ANGPTL5: variants seen among roughly 807,000 people sequenced by gnomAD.
The protein encoded by ANGPTL5 is angiopoietin-related protein 5.
ANGPTL5 carries 34 observed loss-of-function variants against 39.4 expected under a neutral mutation model. That is an observed-to-expected ratio of 0.86 (90% CI 0.66 to 1.15). ANGPTL5 has a LOEUF of 1.15. Among genes scored for constraint, ANGPTL5 ranks in the 50% most tolerant of loss-of-function variants. ANGPTL5 has a pLI of 0.00. For synonymous variants in ANGPTL5, 146 were observed against 152.1 expected, an observed-to-expected ratio of 0.96 and a Z score of 0.29; for missense variants, 467 against 457.5, an observed-to-expected ratio of 1.02 and a Z score of -0.19.
intron 4 of ANGPTL5, 107 bp from the exon 5 acceptor site, chr11:101,905,014 A>T (rs1027663750): frequency 1.2e-6 from 1 of 802,376 alleles, no homozygotes; most frequent in Non-Finnish European, 2.1e-6. Context: ...CCATTTTTCT[A>T]GATTGATTTC....
At chr11:101,894,233 C>G (rs887561829) in intron 8 of ANGPTL5, among the ~76,000 whole-genome samples, 2 of 152,076 alleles carry the variant, frequency 1.3e-5, no homozygotes, top group African/African-American at 4.8e-5. Context: ...ATTTCTAACA[C>G]TAAATATACA....
rs757955825 is a variant in ANGPTL5, at chr11:101,915,343, C to T, written c.-93+676G>A. 6.2e-7 allele frequency: 1 copy of T among 1,613,998 alleles called. No individual in the cohort carries two copies. Among genetic ancestry groups the T allele is most frequent in the Non-Finnish European group, 8.5e-7 (1 of 1,179,988 alleles). ...GTCGGGGAACTGGGCACTGAATCAT[C>T]GGACAACCTCGACAGAGCCCCCCTC... On this transcript the variant is annotated intron_variant, in intron 1 of 8. Coordinates refer to ENST00000334289, the MANE Select transcript of ANGPTL5 (RefSeq NM_178127.5).
At chr11:101,906,909 A>G (rs1338955321) in intron 3 of ANGPTL5, among the ~76,000 whole-genome samples, 194 bp downstream of exon 3, 1 of 152,090 alleles carries the variant, frequency 6.6e-6, no homozygotes, top group Non-Finnish European at 1.5e-5. Flanking sequence ...AATTAGCTAC[A>G]TAGAGAAAGG....
At chr11:101,893,082 C>T (rs1939730155) in intron 8 of ANGPTL5, among the ~76,000 whole-genome samples, 2 of 152,072 alleles carry the variant, frequency 1.3e-5, no homozygotes, top group African/African-American at 4.8e-5. Context: ...AGATAAAGTC[C>T]GACCACCAGA....
chr11:101,911,071 T>C (rs1940083848), intron 1 of ANGPTL5, among the ~76,000 whole-genome samples: 1 of 148,142 alleles, frequency 6.8e-6, no homozygotes, highest in Non-Finnish European at 1.5e-5. Context: ...TTATATGGTT[T>C]GGACCTGCAT....
At chr11:101,900,327 G>A in intron 7 of ANGPTL5, 103 bp downstream of exon 7, 1 of 1,167,924 alleles carries the variant, frequency 8.6e-7, no homozygotes, top group East Asian at 2.4e-5. Flanking sequence ...TTTGATATTT[G>A]CAAGCATTTG....
intron 1 of ANGPTL5, among the ~76,000 whole-genome samples, chr11:101,910,965 G>T (rs1004468210): frequency 6.6e-6 from 1 of 151,986 alleles, no homozygotes; most frequent in African/African-American, 2.4e-5. Context: ...TCCATTGAAA[G>T]TTGGATTTTA....
At position 101,891,448 on chromosome 11, in the gene ANGPTL5, C is replaced by A; in HGVS notation, c.998G>T (p.Trp333Leu). 3.1e-6 allele frequency: 5 copies of A among 1,614,066 alleles called. No individual in the cohort carries two copies. The highest frequency in any genetic ancestry group is 4.2e-6 in the Non-Finnish European group (5 of 1,179,988). The part of the protein sequence containing the change: ...SCSHLHNKTG[W>L]WFNECGLANL... Reference sequence around the variant, plus strand: ...TGCTAGACCACACTCGTTAAACCACCAGCCGGTCTTGTTATGGAGGTGACT... The same window carrying A: ...TGCTAGACCACACTCGTTAAACCACAAGCCGGTCTTGTTATGGAGGTGACT... Residue 333 changes from tryptophan to leucine, a missense_variant, in exon 9 of 9, where the codon TGG becomes TTG. Coordinates refer to ENST00000334289, the MANE Select transcript of ANGPTL5 (RefSeq NM_178127.5).
At chr11:101,913,532 C>T (rs906790206) in intron 1 of ANGPTL5, among the ~76,000 whole-genome samples, 1 of 152,126 alleles carries the variant, frequency 6.6e-6, no homozygotes, top group Non-Finnish European at 1.5e-5. Context: ...TAACCCTTTC[C>T]TCTCCTTTCT....
intron 3 of ANGPTL5, among the ~76,000 whole-genome samples, chr11:101,906,854 G>T (rs1185708467): frequency 6.6e-6 from 1 of 152,006 alleles, no homozygotes; most frequent in Non-Finnish European, 1.5e-5. Flanking sequence ...GTCTAAAGCT[G>T]CACTCATTGG....
At chr11:101,893,609 T>A (rs902395483) in intron 8 of ANGPTL5, among the ~76,000 whole-genome samples, 1 of 152,208 alleles carries the variant, frequency 6.6e-6, no homozygotes, top group African/African-American at 2.4e-5. Context: ...TTTAATTAGA[T>A]CCTAGTCATC....
intron 7 of ANGPTL5, 38 bp downstream of exon 7, chr11:101,900,392 G>A: frequency 6.3e-7 from 1 of 1,595,562 alleles, no homozygotes. Flanking sequence ...ATATCAAAAA[G>A]AGTAAACAAT....
chr11:101,914,956 G>T (rs1940164977), intron 1 of ANGPTL5: 2 of 267,926 alleles, frequency 7.5e-6, no homozygotes, highest in Non-Finnish European at 1.4e-5. Flanking sequence ...GCTGCTTCGG[G>T]CACATCGTCC....
At chr11:101,915,805 C>G (rs1052054436) in intron 1 of ANGPTL5, among the ~76,000 whole-genome samples, 11 of 152,160 alleles carry the variant, frequency 7.2e-5, no homozygotes, top group Admixed American at 6.5e-4. Flanking sequence ...GTTTTGCTAT[C>G]CTAAAGAGTC....
At chr11:101,896,863 A>G (rs1414085044) in intron 7 of ANGPTL5, among the ~76,000 whole-genome samples, 1 of 152,184 alleles carries the variant, frequency 6.6e-6, no homozygotes, top group Non-Finnish European at 1.5e-5. Context: ...TCCTTTGGGT[A>G]TATACCCAGT....
intron 1 of ANGPTL5, chr11:101,915,498 C>A: frequency 6.7e-7 from 1 of 1,499,790 alleles, no homozygotes; most frequent in South Asian, 1.3e-5. Context: ...TTACCTTTGA[C>A]GCAGGGTGAT....
chr11:101,900,694 T>G, intron 6 of ANGPTL5, 144 bp from the exon 7 acceptor site: 1 of 804,930 alleles, frequency 1.2e-6, no homozygotes, highest in South Asian at 1.6e-5. Flanking sequence ...CATTAATTTA[T>G]TCAGATGTTT....
At chr11:101,896,651 C>T (rs1247049803) in intron 7 of ANGPTL5, among the ~76,000 whole-genome samples, 1 of 152,118 alleles carries the variant, frequency 6.6e-6, no homozygotes, top group Non-Finnish European at 1.5e-5. Flanking sequence ...ATGACGGTTT[C>T]TAGCTTCATC....
chr11:101,914,347 A>G (rs1467481614), intron 1 of ANGPTL5, among the ~76,000 whole-genome samples: 1 of 152,208 alleles, frequency 6.6e-6, no homozygotes. Flanking sequence ...TCAAAAATCC[A>G]TTTAATTTTC....
Sources: allele counts gnomAD v4.1 joint callset (sites outside exome capture counted in the v4.1 genomes callset), GRCh38; gene constraint gnomAD v4.1.1; transcripts MANE v1.5; gene names NCBI Gene and HGNC (gene_info 2026-07-23, HGNC 2026-07-21).